SAMD11: variants seen among roughly 807,000 people sequenced by gnomAD.
SAMD11 encodes the protein sterile alpha motif domain containing 11.
Under a neutral mutation model 64.4 loss-of-function variants are expected in SAMD11, and 77 were observed. That is an observed-to-expected ratio of 1.20 (90% CI 0.99 to 1.44). The LOEUF (loss-of-function observed/expected upper bound fraction) is 1.44. Among genes scored for constraint, SAMD11 ranks in the 40% most tolerant of loss-of-function variants. SAMD11 has a pLI of 0.00. For synonymous variants in SAMD11, 658 were observed against 421.9 expected (o/e 1.56, Z -6.86); for missense variants, 1,402 against 943.3 (o/e 1.49, Z -6.37).
chr1:927,122 A>C (rs991600193), intron 2 of SAMD11, among the ~76,000 whole-genome samples: 3 of 152,168 alleles, frequency 2.0e-5, no homozygotes, highest in African/African-American at 7.2e-5. Flanking sequence ...CCTGACACAC[A>C]ATCCGACATG....
At chr1:925,847 G>A in intron 1 of SAMD11, 75 bp from the exon 2 acceptor site, 3 of 1,039,968 alleles carry the variant, frequency 2.9e-6, no homozygotes, top group Non-Finnish European at 4.5e-6. Context: ...CCGGGGAGGG[G>A]GTACTGGCCC....
intron 2 of SAMD11, among the ~76,000 whole-genome samples, chr1:928,537 G>A (rs535549094): frequency 7.4e-4 from 112 of 152,380 alleles, no homozygotes; most frequent in Non-Finnish European, 1.4e-3. Context: ...AGGGACCCCC[G>A]AGCTCCAGCT....
At chr1:928,116 G>A (rs1160253894) in intron 2 of SAMD11, among the ~76,000 whole-genome samples, 10 of 152,190 alleles carry the variant, frequency 6.6e-5, no homozygotes, top group Admixed American at 5.2e-4. Flanking sequence ...GTGGGAGGCC[G>A]GGTGTGGTGG....
chr1:941,294 C>A lies in SAMD11; in HGVS notation c.1346C>A (p.Ser449Tyr). 2 of 1,589,502 alleles carry A rather than the reference C, an allele frequency of 1.3e-6. No homozygotes were observed. The highest frequency in any genetic ancestry group is 1.7e-6 in the Non-Finnish European group (2 of 1,168,484). The change falls in exon 8 of 14, where the codon TCC becomes TAC. Residue 449 changes from serine (S) to tyrosine (Y), a missense_variant. Physicochemically the swap from Ser to Tyr is moderately radical, Grantham distance 144. Transcript: ENST00000616016. ...GGCGCCGCCCCAGCTGCCGCCCCGT[C>A]CTTCTCGGAGAGGTACTGGGGTGGC... ...REGAAPAAAP[S>Y]FSERELPQPP...
intron 4 of SAMD11, among the ~76,000 whole-genome samples, chr1:933,674 G>A (rs997604212): frequency 4.6e-5 from 7 of 152,192 alleles, no homozygotes; most frequent in African/African-American, 1.7e-4. Flanking sequence ...ATCATGGAAG[G>A]GATGAGTCTC....
At chr1:929,111 C>T (rs777112858) in intron 2 of SAMD11, among the ~76,000 whole-genome samples, 3 of 152,228 alleles carry the variant, frequency 2.0e-5, no homozygotes, top group Non-Finnish European at 2.9e-5. Context: ...TCCTTTATCC[C>T]TGGGGGTGGC....
At chr1:929,457 A>C (rs1222554008) in intron 2 of SAMD11, among the ~76,000 whole-genome samples, 2 of 152,192 alleles carry the variant, frequency 1.3e-5, no homozygotes, top group African/African-American at 4.8e-5. Context: ...CAGCTCAGAC[A>C]GTTGCCAGTG....
Position 939,137 on chromosome 1 carries a change from C to T in SAMD11, c.1057+8C>T, listed in dbSNP as rs748201704. On this transcript the variant is annotated splice_region_variant and intron_variant, in intron 6 of 13. Coordinates refer to ENST00000616016, the MANE Select transcript of SAMD11 (RefSeq NM_001385641.1). The stretch of plus-strand genomic sequence containing the variant: ...GAAGCGAATCGCCTCAAGGTAAGAG[C>T]GTGGCTGGGACGAGAGACAGGTCAC... The T allele has an allele frequency of 1.5e-5, 23 of 1,579,136 alleles. No individual in the cohort carries two copies. Among genetic ancestry groups the T allele is most frequent in the African/African-American group, 4.0e-5 (3 of 74,444 alleles).
chr1:942,156 C>G lies in SAMD11; in HGVS notation c.1379C>G (p.Pro460Arg), dbSNP rs767189715. 7.1e-7 allele frequency: 1 copy of G among 1,399,884 alleles called. No homozygotes were observed. Among genetic ancestry groups the G allele is most frequent in the South Asian group, 1.4e-5 (1 of 70,612 alleles). 86.7% of individuals were successfully genotyped at this position (1,399,884 alleles called of 1,614,324 possible). A position where few individuals can be genotyped will look rare whatever the true frequency, so the allele number is the denominator to read the frequency against. The change falls in exon 9 of 14, where the codon CCC becomes CGC. Residue 460 changes from proline to arginine, a missense_variant. Transcript: ENST00000616016. ...FSERELPQPPPLLSPQNAPHV... is the reference protein window; with the variant it reads ...FSERELPQPPRLLSPQNAPHV... ...CACAGGGAGCTGCCTCAGCCGCCCCCCTTGCTGTCGCCGCAGAATGCCCCT... is the reference window on the plus strand; with the variant it reads ...CACAGGGAGCTGCCTCAGCCGCCCCGCTTGCTGTCGCCGCAGAATGCCCCT...
chr1:943,902 C>T lies in SAMD11; in HGVS notation c.2290-6C>T, dbSNP rs777128517. 5 of 1,612,828 alleles carry T rather than the reference C, an allele frequency of 3.1e-6. No homozygotes were observed. In the African/African-American group the frequency reaches 6.7e-5, roughly 22 times the overall value. On this transcript the variant is annotated splice_polypyrimidine_tract_variant and splice_region_variant and intron_variant, in intron 13 of 13. Coordinates refer to ENST00000616016, the MANE Select transcript of SAMD11 (RefSeq NM_001385641.1). ...CGACAGCCCCCACCAGGCCATCTCT[C>T]TGCAGGTGGCCAGGCGCCTGGGCCG...
At chr1:937,070 C>T (rs1225353629) in intron 5 of SAMD11, among the ~76,000 whole-genome samples, 1 of 152,146 alleles carries the variant, frequency 6.6e-6, no homozygotes, top group East Asian at 1.9e-4. Context: ...CTCTACGGGG[C>T]CTCACGTGTC....
chr1:944,243 G>T lies in SAMD11; in HGVS notation c.*90G>T, dbSNP rs1249636963. The T allele has an allele frequency of 1.4e-6, 2 of 1,448,456 alleles. No homozygotes were observed. Among genetic ancestry groups the T allele is most frequent in the Non-Finnish European group, 1.8e-6 (2 of 1,101,530 alleles). 89.7% of individuals were successfully genotyped at this position (1,448,456 alleles called of 1,614,324 possible). A position where few individuals can be genotyped will look rare whatever the true frequency, so the allele number is the denominator to read the frequency against. On this transcript the variant is annotated 3_prime_UTR_variant, in exon 14 of 14. Coordinates refer to ENST00000616016, the MANE Select transcript of SAMD11 (RefSeq NM_001385641.1). ...TGCCTCCCACCGCTTTATTTCTTTCGGTTTCGGATGCAAAACAAAAAATTT... is the reference window on the plus strand; with the variant it reads ...TGCCTCCCACCGCTTTATTTCTTTCTGTTTCGGATGCAAAACAAAAAATTT...
chr1:925,898 G>T, intron 1 of SAMD11, 24 bp from the exon 2 acceptor site: 1 of 1,558,130 alleles, frequency 6.4e-7, no homozygotes. Flanking sequence ...TCCCTCACAG[G>T]GTCTGCCTCG....
chr1:933,534 C>T (rs543001159), intron 4 of SAMD11, among the ~76,000 whole-genome samples: 3 of 128,436 alleles, frequency 2.3e-5, no homozygotes, highest in South Asian at 2.6e-4. Context: ...CTGCAGGCGT[C>T]CTGGGGACAC....
chr1:930,325 C>T lies in SAMD11; in HGVS notation c.780C>T (p.Ile260=), dbSNP rs146331776. 618 of 1,604,140 alleles carry T rather than the reference C, an allele frequency of 3.9e-4. 1 individual carries two copies. The African/African-American group carries it at 7.2e-3, about 19-fold the overall frequency. The change falls in exon 3 of 14, where the codon ATC becomes ATT. Residue 260 remains isoleucine (I), a synonymous_variant. Coordinates refer to ENST00000616016, the MANE Select transcript of SAMD11 (RefSeq NM_001385641.1). The part of the protein sequence containing the change: ...LKQEDGPHIR[I]MKRRVHTHWD... ...AGGAGGATGGTCCGCACATCCGTAT[C>T]ATGAAGAGAAGGTACTTGGACCAGG...
chr1:929,746 G>A (rs565373777), intron 2 of SAMD11, among the ~76,000 whole-genome samples: 9 of 152,258 alleles, frequency 5.9e-5, no homozygotes, highest in Non-Finnish European at 1.3e-4. Context: ...AGCCCGGGAC[G>A]GAGGCCTGTC....
At chr1:940,952 G>C (rs1292432417) in intron 7 of SAMD11, 192 bp from the exon 8 acceptor site, 1 of 528,590 alleles carries the variant, frequency 1.9e-6, no homozygotes, top group African/African-American at 2.0e-5. Flanking sequence ...ACACTTCCTC[G>C]CCCAGCATCT....
intron 4 of SAMD11, among the ~76,000 whole-genome samples, chr1:933,961 T>TGCTCCGTTACAGGTGGGCAGGGGAGGCG (rs1641288185): frequency 6.6e-6 from 1 of 151,264 alleles, no homozygotes; most frequent in Admixed American, 6.6e-5. Context: ...TGCGCAGGAC[T>TGCTCCGTTACAGGTGGGCAGGGGAGGCG]GCTCCGTTAC....
chr1:943,265 G>A lies in SAMD11; in HGVS notation c.2066G>A (p.Gly689Glu), dbSNP rs1005662241. The A allele has an allele frequency of 3.7e-6, 6 of 1,612,892 alleles. No individual in the cohort carries two copies. The highest frequency in any genetic ancestry group is 1.1e-5 in the South Asian group (1 of 91,064). Residue 689 changes from glycine (G) to glutamate (E), a missense_variant, in exon 12 of 14, where the codon GGA (glycine) becomes GAA (glutamate). Physicochemically the swap from Gly to Glu is moderately conservative, Grantham distance 98. Transcript: ENST00000616016. Reference sequence around the variant, plus strand: ...CCCCACAACTCAGGCGCGGTAGGGGGACTCTCCATGGATGGGGAGGAGGCC... The same window carrying A: ...CCCCACAACTCAGGCGCGGTAGGGGAACTCTCCATGGATGGGGAGGAGGCC... ...SPYFHTGAVGGLSMDGEEAPA... is the reference protein window; with the variant it reads ...SPYFHTGAVGELSMDGEEAPA...
Sources: allele counts gnomAD v4.1 joint callset (sites outside exome capture counted in the v4.1 genomes callset), GRCh38; gene constraint gnomAD v4.1.1; transcripts MANE v1.5; gene names NCBI Gene and HGNC (gene_info 2026-07-23, HGNC 2026-07-21).